The following FRMPD4 variants were observed in gnomAD, a reference collection of about 807,000 sequenced individuals.
FRMPD4 encodes FERM and PDZ domain-containing protein 4.
In FRMPD4, 22 loss-of-function variants were observed where a neutral mutation model predicts 94.1. The ratio of observed to expected loss-of-function variants is 0.23; its 90% confidence interval spans 0.17 to 0.33. The LOEUF (loss-of-function observed/expected upper bound fraction) is 0.33. Among genes scored for constraint, FRMPD4 ranks in the 10% least tolerant of loss-of-function variants. The probability of loss-of-function intolerance (pLI) is 1.00; values close to 1 mark genes in which losing one functional copy is unlikely to be tolerated. For missense variants in FRMPD4, 1,111 were observed against 1,339.9 expected, an observed-to-expected ratio of 0.83 and a Z score of 2.67; for synonymous variants, 631 against 548.6, an observed-to-expected ratio of 1.15 and a Z score of -2.10.
chrX:12,621,258 A>AC (rs1335889249), intron 4 of FRMPD4, among the ~76,000 whole-genome samples: 1 of 110,820 alleles, frequency 9.0e-6, no homozygotes, highest in East Asian at 2.8e-4. Flanking sequence ...AAACAAACAA[A>AC]AAAAACGACT....
At chrX:12,106,983 G>C (rs1046178893) in intron 3 of FRMPD4, among the ~76,000 whole-genome samples, 1 of 112,227 alleles carries the variant, frequency 8.9e-6, no homozygotes, top group Non-Finnish European at 1.9e-5. Flanking sequence ...GCAGGGCATA[G>C]TCGAACAAAA....
chrX:12,010,104 A>T (rs2054573866), intron 3 of FRMPD4, among the ~76,000 whole-genome samples: 1 of 111,600 alleles, frequency 9.0e-6, no homozygotes, highest in Non-Finnish European at 1.9e-5. Context: ...AGGTATACTG[A>T]GTAGAAATCA....
intron 1 of FRMPD4, among the ~76,000 whole-genome samples, chrX:12,460,817 T>C (rs2057383600): frequency 8.9e-6 from 1 of 112,183 alleles, no homozygotes; most frequent in Admixed American, 9.4e-5. Context: ...AATTTGTGTT[T>C]AGAAAACAAT....
At chrX:12,680,644 G>A (rs867883602) in intron 5 of FRMPD4, among the ~76,000 whole-genome samples, 6 of 112,065 alleles carry the variant, frequency 5.4e-5, no homozygotes, top group South Asian at 3.8e-4. Flanking sequence ...AGTTTACCCC[G>A]AGTCTGTTGA....
intron 1 of FRMPD4, among the ~76,000 whole-genome samples, chrX:12,270,310 G>C (rs1453512269): frequency 1.8e-5 from 2 of 111,092 alleles, no homozygotes; most frequent in African/African-American, 3.3e-5. Flanking sequence ...TATCTTGGAT[G>C]AACTGTGTAA....
intron 1 of FRMPD4, among the ~76,000 whole-genome samples, chrX:12,478,289 A>C (rs988447561): frequency 3.7e-4 from 41 of 111,864 alleles, no homozygotes; most frequent in African/African-American, 1.2e-3. Flanking sequence ...AAGAAACCAG[A>C]GTAGGCCGGG....
At chrX:12,712,064 C>G (rs2041997033) in intron 14 of FRMPD4, among the ~76,000 whole-genome samples, 1 of 110,995 alleles carries the variant, frequency 9.0e-6, no homozygotes, top group Non-Finnish European at 1.9e-5. Flanking sequence ...TTAATCCAGT[C>G]CCATCTTGAG....
chrX:12,220,841 A>G (rs940547517), intron 1 of FRMPD4, among the ~76,000 whole-genome samples: 2 of 112,116 alleles, frequency 1.8e-5, no homozygotes, highest in African/African-American at 6.5e-5. Context: ...TATTCCCAAA[A>G]GCCTATATAT....
rs746059889 is a variant in FRMPD4, at chrX:12,724,027, CGTT to C, written c.*2172_*2174del. 3.1e-4 allele frequency: 35 copies of C among 112,030 alleles called. No homozygotes were observed. The highest frequency in any genetic ancestry group is 6.6e-4 in the Admixed American group (7 of 10,546). The allele number at this position is 112,030 out of a possible 1,213,427, so 9.2% of individuals were successfully genotyped here. ...TGTTAGCTATTATTATCATCATAATCGTTGTGTTAAATATATTGCCCAAGATAA... is the reference window on the plus strand; with the variant it reads ...TGTTAGCTATTATTATCATCATAATCGTGTTAAATATATTGCCCAAGATAA... On this transcript the variant is annotated 3_prime_UTR_variant, in exon 17 of 17. Transcript: ENST00000675598.
chrX:11,876,689 T>C (rs1441768397), intron 2 of FRMPD4, among the ~76,000 whole-genome samples: 2 of 98,272 alleles, frequency 2.0e-5, no homozygotes, highest in African/African-American at 7.5e-5. Context: ...TTGTGACAAA[T>C]CAAATTGGCC....
intron 1 of FRMPD4, among the ~76,000 whole-genome samples, chrX:12,187,931 T>C (rs2056443986): frequency 8.9e-6 from 1 of 111,981 alleles, no homozygotes; most frequent in Non-Finnish European, 1.9e-5. Context: ...CTTTCAAACA[T>C]ACAATGATTA....
intron 3 of FRMPD4, among the ~76,000 whole-genome samples, chrX:11,965,611 A>C (rs2054305988): frequency 1.8e-5 from 2 of 112,060 alleles, no homozygotes; most frequent in African/African-American, 6.5e-5. Flanking sequence ...AGTCCCTGGA[A>C]TTTCTGGCAG....
chrX:12,718,283 G>C lies in FRMPD4; in HGVS notation c.3457G>C (p.Asp1153His), dbSNP rs2042143098. The C allele has an allele frequency of 8.3e-7, 1 of 1,209,954 alleles. No individual in the cohort carries two copies. The highest frequency in any genetic ancestry group is 1.7e-5 in the African/African-American group (1 of 57,202). Residue 1153 changes from aspartate to histidine, a missense_variant, in exon 16 of 17, where the codon GAC becomes CAC. This residue lies in a region of FRMPD4 where 551 missense variants were observed against 591.6 expected (regional missense o/e 0.93). Coordinates refer to ENST00000675598, the MANE Select transcript of FRMPD4 (RefSeq NM_001368397.1). Reference protein sequence around the residue: ...GLGQGDRFLTDVTCASSAKDL... With the variant: ...GLGQGDRFLTHVTCASSAKDL... ...TGGTCAAGGGGACCGCTTCTTAACTGACGTGACCTGTGCATCTTCAGCCAA... is the reference window on the plus strand; with the variant it reads ...TGGTCAAGGGGACCGCTTCTTAACTCACGTGACCTGTGCATCTTCAGCCAA...
intron 1 of FRMPD4, among the ~76,000 whole-genome samples, chrX:11,845,018 C>T (rs994524635): frequency 8.9e-6 from 1 of 112,228 alleles, no homozygotes; most frequent in African/African-American, 3.2e-5. Flanking sequence ...TAATTTCTTA[C>T]ACTTTTCAAT....
At chrX:12,480,333 G>GAAGAA (rs2057666095) in intron 1 of FRMPD4, among the ~76,000 whole-genome samples, 1 of 54,670 alleles carries the variant, frequency 1.8e-5, no homozygotes, top group Admixed American at 2.6e-4. Context: ...GAAAAGAAAT[G>GAAGAA]AAAAAAAAAA....
At chrX:12,222,756 C>G (rs2056883016) in intron 1 of FRMPD4, among the ~76,000 whole-genome samples, 1 of 111,863 alleles carries the variant, frequency 8.9e-6, no homozygotes, top group Admixed American at 9.5e-5. Flanking sequence ...AAATGTAGTC[C>G]TTTCTGTTTG....
chrX:12,094,290 T>A (rs755208135), intron 3 of FRMPD4, among the ~76,000 whole-genome samples: 34 of 112,488 alleles, frequency 3.0e-4, no homozygotes, highest in African/African-American at 1.1e-3. Context: ...ATTAATTAAC[T>A]CAACACCCTT....
At chrX:11,858,582 G>A (rs773811638) in intron 1 of FRMPD4, among the ~76,000 whole-genome samples, 12 of 110,437 alleles carry the variant, frequency 1.1e-4, no homozygotes, top group Non-Finnish European at 1.9e-4. Context: ...GAGAGGATCA[G>A]GAAAAATAAC....
intron 1 of FRMPD4, among the ~76,000 whole-genome samples, chrX:12,460,057 T>C (rs187768571): frequency 1.8e-5 from 2 of 112,150 alleles, no homozygotes; most frequent in African/African-American, 6.5e-5. Flanking sequence ...ATACTGAGCA[T>C]CTTTAATGTG....
Sources: gnomAD v4.1 joint callset for allele counts (sites outside exome capture counted in the v4.1 genomes callset) on GRCh38, gnomAD v4.1.1 for gene constraint, gnomAD v4.1.1 regional missense constraint, MANE v1.5 for transcripts, NCBI Gene and HGNC (gene_info 2026-07-23, HGNC 2026-07-21) for gene names.